The following PCDHGA3 variants were observed in gnomAD, a reference collection of about 807,000 sequenced individuals.
The protein encoded by PCDHGA3 is protocadherin gamma subfamily A, 3.
In PCDHGA3, 40 loss-of-function variants were observed where a neutral mutation model predicts 58.5. The observed-to-expected ratio is 0.68, with a 90% CI of 0.53 to 0.89. The LOEUF (loss-of-function observed/expected upper bound fraction) is 0.89, where lower values mean the gene tolerates loss of function less well. PCDHGA3 is among the 40% of genes least tolerant of loss of function. The probability of loss-of-function intolerance (pLI) is 0.00; values close to 1 mark genes in which losing one functional copy is unlikely to be tolerated. For synonymous variants in PCDHGA3, 530 were observed against 525.7 expected (o/e 1.01, Z -0.11); for missense variants, 1,223 against 1,195.9 (o/e 1.02, Z -0.33).
chr5:141,427,855 G>T (rs2097079766), intron 1 of PCDHGA3: 1 of 1,553,826 alleles, frequency 6.4e-7, no homozygotes, highest in Non-Finnish European at 8.8e-7. Flanking sequence ...GAGCAGCTGT[G>T]CGCCTTCGAG....
chr5:141,454,464 T>C (rs1365696226), intron 1 of PCDHGA3, among the ~76,000 whole-genome samples: 1 of 152,196 alleles, frequency 6.6e-6, no homozygotes, highest in Non-Finnish European at 1.5e-5. Flanking sequence ...TGGAGTGCAA[T>C]GGCATGATCT....
At chr5:141,398,827 G>A in intron 1 of PCDHGA3, 1 of 1,613,982 alleles carries the variant, frequency 6.2e-7, no homozygotes, top group East Asian at 2.2e-5. Flanking sequence ...CCAGGTAACC[G>A]ACGCCAATGA....
At chr5:141,488,762 C>T (rs1470160100) in intron 1 of PCDHGA3, among the ~76,000 whole-genome samples, 1 of 152,142 alleles carries the variant, frequency 6.6e-6, no homozygotes, top group Non-Finnish European at 1.5e-5. Context: ...TGGGACAGAA[C>T]GCTGAGGAGT....
chr5:141,421,863 C>T (rs767555107), intron 1 of PCDHGA3: 1 of 1,613,746 alleles, frequency 6.2e-7, no homozygotes, highest in Non-Finnish European at 8.5e-7. Flanking sequence ...ACCTGCTCCT[C>T]CTCACAGCTT....
chr5:141,415,293 C>G, intron 1 of PCDHGA3: 1 of 1,614,192 alleles, frequency 6.2e-7, no homozygotes, highest in Non-Finnish European at 8.5e-7. Flanking sequence ...CGGTCTCCTG[C>G]GTCTTCCTGG....
At chr5:141,355,685 T>C in intron 1 of PCDHGA3, 3 of 1,613,982 alleles carry the variant, frequency 1.9e-6, no homozygotes, top group Non-Finnish European at 2.5e-6. Flanking sequence ...GATCCGGATG[T>C]AGGTGTAAAC....
intron 1 of PCDHGA3, among the ~76,000 whole-genome samples, chr5:141,434,746 C>T (rs1591345130): frequency 6.6e-6 from 1 of 151,796 alleles, no homozygotes; most frequent in South Asian, 2.1e-4. Context: ...GGCTATGAGA[C>T]CCCTGATTCC....
rs1178101439 is a variant in PCDHGA3, at chr5:141,443,790, T to C, written c.2425-51017T>C. On this transcript the variant is annotated intron_variant, in intron 1 of 3. Coordinates refer to ENST00000253812, the MANE Select transcript of PCDHGA3 (RefSeq NM_018916.4). Reference sequence around the variant, plus strand: ...AATATTACCAAAAAGACAAAAAAAATGAAAAGGAAACAGTTACCTTTGGAA... The same window carrying C: ...AATATTACCAAAAAGACAAAAAAAACGAAAAGGAAACAGTTACCTTTGGAA... Among the ~76,000 whole-genome samples, 6 of 151,950 alleles carry C rather than the reference T, an allele frequency of 3.9e-5. No homozygotes were observed. The East Asian group carries it at 1.2e-3, about 29-fold the overall frequency.
Position 141,387,312 on chromosome 5 carries a change from G to A in PCDHGA3, c.2424+40855G>A, listed in dbSNP as rs576543135. Reference sequence around the variant, plus strand: ...AAAATGTATCCAGTATATTTCTAATGAGTAAGTATGGAAAATTACTGTACT... The same window carrying A: ...AAAATGTATCCAGTATATTTCTAATAAGTAAGTATGGAAAATTACTGTACT... On this transcript the variant is annotated intron_variant, in intron 1 of 3. Transcript: ENST00000253812. Among the ~76,000 whole-genome samples, 3 of 152,338 alleles carry A rather than the reference G, an allele frequency of 2.0e-5. No homozygotes were observed. The East Asian group carries it at 5.8e-4, about 29-fold the overall frequency.
chr5:141,459,993 G>T (rs1320315247), intron 1 of PCDHGA3, among the ~76,000 whole-genome samples: 1 of 152,164 alleles, frequency 6.6e-6, no homozygotes, highest in African/African-American at 2.4e-5. Context: ...CAGGAGAATC[G>T]CTTGAACCCA....
intron 1 of PCDHGA3, chr5:141,427,831 G>T: frequency 7.1e-6 from 11 of 1,539,366 alleles, no homozygotes; most frequent in Non-Finnish European, 9.8e-6. Context: ...GTCGCGCAGC[G>T]TGCCTTCGAC....
Position 141,344,528 on chromosome 5 carries a change from C to G in PCDHGA3, c.495C>G (p.Asn165Lys). Residue 165 changes from asparagine to lysine, a missense_variant, in exon 1 of 4, where the codon AAC (asparagine) becomes AAG (lysine). Asn to Lys is a moderately conservative substitution (Grantham distance 94). Around this residue, in one of 3 missense-constraint regions of PCDHGA3, gnomAD observed 791 missense variants for 708.5 expected, o/e 1.12. Coordinates refer to ENST00000253812, the MANE Select transcript of PCDHGA3 (RefSeq NM_018916.4). ...KTAFDPDVGI[N>K]SLQNYKLSPN... ...CTTTTGACCCAGATGTAGGCATTAA[C>G]TCCCTGCAGAACTACAAGCTTAGCC... is the stretch of plus-strand genomic sequence containing the variant. 1 of 1,614,008 alleles carries G rather than the reference C, an allele frequency of 6.2e-7. No individual in the cohort carries two copies. Among genetic ancestry groups the G allele is most frequent in the Non-Finnish European group, 8.5e-7 (1 of 1,179,896 alleles).
At chr5:141,363,277 T>G (rs1254714580) in intron 1 of PCDHGA3, among the ~76,000 whole-genome samples, 3 of 152,270 alleles carry the variant, frequency 2.0e-5, no homozygotes, top group African/African-American at 7.2e-5. Context: ...GCTTTTGAAT[T>G]TCCTAATTAT....
At position 141,485,336 on chromosome 5, in the gene PCDHGA3, G is replaced by A. The variant is rs755039880; in HGVS notation, c.2425-9471G>A. Reference sequence around the variant, plus strand: ...GAATGTCGCTCAAGATTTCCTGCTGGATACGGACAGTCTGTCAGCTCGCAG... The same window carrying A: ...GAATGTCGCTCAAGATTTCCTGCTGAATACGGACAGTCTGTCAGCTCGCAG... On this transcript the variant is annotated intron_variant, in intron 1 of 3. Transcript: ENST00000253812. The surrounding 1 kb of genome is among the most constrained non-coding windows in gnomAD (Gnocchi z 5.7). 3 of 1,614,176 alleles carry A rather than the reference G, an allele frequency of 1.9e-6. No homozygotes were observed. In the South Asian group the frequency reaches 3.3e-5, roughly 18 times the overall value.
intron 1 of PCDHGA3, chr5:141,355,623 A>G: frequency 1.2e-6 from 2 of 1,613,994 alleles, no homozygotes; most frequent in Non-Finnish European, 1.7e-6. Context: ...GGGAAATAAA[A>G]GTTGCTGAAA....
chr5:141,356,922 T>C, intron 1 of PCDHGA3: 1 of 1,613,632 alleles, frequency 6.2e-7, no homozygotes, highest in Admixed American at 1.7e-5. Context: ...GCTCCACTGG[T>C]GTGGAGCTGG....
At chr5:141,484,499 A>G (rs567556335) in intron 1 of PCDHGA3, among the ~76,000 whole-genome samples, 20 of 152,344 alleles carry the variant, frequency 1.3e-4, no homozygotes, top group African/African-American at 4.6e-4. Flanking sequence ...CCGTTTCTGA[A>G]TATTCTGCAG....
intron 2 of PCDHGA3, among the ~76,000 whole-genome samples, chr5:141,504,947 A>G (rs1595930930): frequency 6.6e-6 from 1 of 152,200 alleles, no homozygotes; most frequent in Non-Finnish European, 1.5e-5. Context: ...GGAATGCACT[A>G]TGTTCAATGC....
intron 1 of PCDHGA3, among the ~76,000 whole-genome samples, chr5:141,465,683 A>G (rs2099107378): frequency 6.6e-6 from 1 of 152,236 alleles, no homozygotes; most frequent in African/African-American, 2.4e-5. Context: ...GCTCTTGACC[A>G]GTCTGCTTTT....
Sources: allele counts gnomAD v4.1 joint callset (sites outside exome capture counted in the v4.1 genomes callset), GRCh38; gene constraint gnomAD v4.1.1; regional missense constraint gnomAD v4.1.1; non-coding constraint Gnocchi (gnomAD v3.1); transcripts MANE v1.5; gene names NCBI Gene and HGNC (gene_info 2026-07-23, HGNC 2026-07-21).